YJU2: variants seen among roughly 807,000 people sequenced by gnomAD.
The protein encoded by YJU2 is splicing factor YJU2.
In YJU2, 28 loss-of-function variants were observed where a neutral mutation model predicts 39.6. That is an observed-to-expected ratio of 0.71 (90% confidence interval 0.52 to 0.97). The LOEUF (loss-of-function observed/expected upper bound fraction) is 0.97, where lower values mean the gene tolerates loss of function less well. YJU2 is among the 50% of genes least tolerant of loss of function. YJU2 has a pLI of 0.00. For synonymous variants in YJU2, 184 were observed against 182.4 expected (o/e 1.01, Z -0.07); for missense variants, 328 against 430.4 (o/e 0.76, Z 2.11).
intron 5 of YJU2, among the ~76,000 whole-genome samples, chr19:4,260,715 G>A (rs943391294): frequency 9.9e-5 from 15 of 151,232 alleles, no homozygotes; most frequent in Admixed American, 2.6e-4. Context: ...CCGTCTCAGC[G>A]TCCCAAAGAG....
At chr19:4,261,085 G>A (rs1305263705) in intron 5 of YJU2, among the ~76,000 whole-genome samples, 1 of 151,956 alleles carries the variant, frequency 6.6e-6, no homozygotes, top group African/African-American at 2.4e-5. Flanking sequence ...GCAGAGATGC[G>A]GTCTTGCTGT....
intron 6 of YJU2, 82 bp downstream of exon 6, chr19:4,262,196 T>C (rs982649539): frequency 1.4e-5 from 20 of 1,447,454 alleles, no homozygotes; most frequent in South Asian, 3.8e-5. Context: ...CTTTTTCTTT[T>C]GTTTTTTGTT....
chr19:4,248,785 G>A (rs1389181225), intron 1 of YJU2, among the ~76,000 whole-genome samples: 2 of 152,054 alleles, frequency 1.3e-5, no homozygotes, highest in African/African-American at 4.8e-5. Flanking sequence ...GGGGAGTGGT[G>A]GTGGGCGCCT....
At chr19:4,254,536 T>C in intron 4 of YJU2, 47 bp downstream of exon 4, 1 of 1,471,204 alleles carries the variant, frequency 6.8e-7, no homozygotes, top group Non-Finnish European at 9.1e-7. Context: ...TGTGTGTGGG[T>C]GTGTGTGTGT....
intron 5 of YJU2, 127 bp downstream of exon 5, chr19:4,258,550 C>T (rs1971042916): frequency 7.2e-7 from 1 of 1,379,458 alleles, no homozygotes. Flanking sequence ...TCCCACCGCC[C>T]ATCTCACTTT....
intron 2 of YJU2, among the ~76,000 whole-genome samples, chr19:4,250,660 C>T (rs576361175): frequency 9.3e-5 from 14 of 150,892 alleles, no homozygotes; most frequent in South Asian, 4.2e-4. Flanking sequence ...GAGCAGAGCC[C>T]GGAGTAGGAG....
chr19:4,249,578 A>G (rs1178064429), intron 2 of YJU2, among the ~76,000 whole-genome samples: 1 of 152,068 alleles, frequency 6.6e-6, no homozygotes, highest in Non-Finnish European at 1.5e-5. Context: ...CAGAGAGGAT[A>G]GGACGCCACA....
In YJU2 at chr19:4,260,292, G is replaced by A. The variant is rs143283896; in HGVS notation, c.588-1702G>A. 8.0e-3 allele frequency among the ~76,000 whole-genome samples: 1,214 copies of A among 151,650 alleles called. 8 individuals are homozygous for A. Among genetic ancestry groups the A allele is most frequent in the Non-Finnish European group, 0.012 (799 of 67,936 alleles). On this transcript the variant is annotated intron_variant, in intron 5 of 7. Transcript: ENST00000262962. ...TACAAAAACAAATTAGCTGGGCGTGGTGGCAGATGCCTGTAATTCCAGCTG... is the reference window on the plus strand; with the variant it reads ...TACAAAAACAAATTAGCTGGGCGTGATGGCAGATGCCTGTAATTCCAGCTG...
chr19:4,258,121 C>T lies in YJU2; in HGVS notation c.406-121C>T, dbSNP rs1317627782. ...GGGCATGGGCAGGGGGTTCCCTGAG[C>T]AGGATGGAAACGTGGGGGTAGGGGT... On this transcript the variant is annotated intron_variant, in intron 4 of 7. Coordinates refer to ENST00000262962, the MANE Select transcript of YJU2 (RefSeq NM_018074.6). 2.2e-6 allele frequency: 3 copies of T among 1,391,206 alleles called. No homozygotes were observed. In the Admixed American group the frequency reaches 7.3e-5, roughly 34 times the overall value. 86.2% of individuals were successfully genotyped at this position (1,391,206 alleles called of 1,614,324 possible).
At chr19:4,264,251 G>T in intron 6 of YJU2, among the ~76,000 whole-genome samples, 1 of 101,886 alleles carries the variant, frequency 9.8e-6, no homozygotes, top group African/African-American at 4.1e-5. Flanking sequence ...GACAGAGCGA[G>T]ACTCTGTCTC....
chr19:4,251,002 C>T (rs761720522), intron 2 of YJU2, 25 bp from the exon 3 acceptor site: 2 of 1,611,970 alleles, frequency 1.2e-6, no homozygotes, highest in Non-Finnish European at 1.7e-6. Flanking sequence ...CAAGACAGCT[C>T]ACATCCCTAC....
intron 2 of YJU2, among the ~76,000 whole-genome samples, chr19:4,250,737 G>A (rs938497826): frequency 5.3e-5 from 8 of 152,064 alleles, no homozygotes; most frequent in South Asian, 2.1e-4. Context: ...GGGGTGCCCC[G>A]TAAGCACAAA....
chr19:4,261,535 C>A (rs918281799), intron 5 of YJU2, among the ~76,000 whole-genome samples: 4 of 151,716 alleles, frequency 2.6e-5, no homozygotes, highest in African/African-American at 7.3e-5. Flanking sequence ...GTGGCAGGCA[C>A]CTGTAATCCC....
chr19:4,268,490 A>G (rs2144702811), intron 7 of YJU2, 94 bp from the exon 8 acceptor site: 1 of 803,358 alleles, frequency 1.2e-6, no homozygotes, highest in Non-Finnish European at 2.1e-6. Context: ...TCACCTCTGG[A>G]CCTTGCAAAC....
At chr19:4,260,473 A>G (rs1971061769) in intron 5 of YJU2, among the ~76,000 whole-genome samples, 1 of 145,372 alleles carries the variant, frequency 6.9e-6, no homozygotes, top group African/African-American at 2.5e-5. Flanking sequence ...TCGGTGGCTC[A>G]CGCCCGTAAT....
At position 4,249,254 on chromosome 19, in the gene YJU2, A is replaced by G. The variant is rs1403056794; in HGVS notation, c.51A>G (p.Pro17=). 1.2e-6 allele frequency: 2 copies of G among 1,613,292 alleles called. No homozygotes were observed. Among genetic ancestry groups the G allele is most frequent in the South Asian group, 2.2e-5 (2 of 91,024 alleles). Residue 17 remains proline, a synonymous_variant, in exon 2 of 8, where the codon CCA becomes CCG. Coordinates refer to ENST00000262962, the MANE Select transcript of YJU2 (RefSeq NM_018074.6). ...AATACTACCCGCCGGACTTTGACCC[A>G]TCAAAGATCCCCAAACTCAAGCTCC... ...LNKYYPPDFD[P]SKIPKLKLPK...
chr19:4,262,167 A>ACTCAGAGGATG, intron 6 of YJU2, 53 bp downstream of exon 6: 1 of 1,529,940 alleles, frequency 6.5e-7, no homozygotes, highest in Admixed American at 2.1e-5. Context: ...GGGACAACTG[A>ACTCAGAGGATG]AGCCAGGGGT....
chr19:4,255,505 G>C (rs56334923), intron 4 of YJU2, among the ~76,000 whole-genome samples: 38,166 of 151,706 alleles, frequency 0.25, 4,883 homozygotes, highest in African/African-American at 0.29. Context: ...CAAGGCAGGT[G>C]GATCACAAGG....
At chr19:4,259,071 CTT>C (rs34728075) in intron 5 of YJU2, among the ~76,000 whole-genome samples, 43 of 90,278 alleles carry the variant, frequency 4.8e-4, no homozygotes, top group African/African-American at 2.2e-3. Context: ...GAACACTTTT[CTT>C]TTTTTTTTTT....
Sources: gnomAD v4.1 joint callset for allele counts (sites outside exome capture counted in the v4.1 genomes callset) on GRCh38, gnomAD v4.1.1 for gene constraint, MANE v1.5 for transcripts, NCBI Gene and HGNC (gene_info 2026-07-23, HGNC 2026-07-21) for gene names.